Variants in ZBTB16 observed in about 807,000 individuals in gnomAD.
The protein encoded by ZBTB16 is zinc finger and BTB domain-containing protein 16.
Under a neutral mutation model 56.8 loss-of-function variants are expected in ZBTB16, and 8 were observed. That is an observed-to-expected ratio of 0.14 (90% confidence interval 0.08 to 0.25). The LOEUF (loss-of-function observed/expected upper bound fraction) is 0.25, where lower values mean the gene tolerates loss of function less well. Ranked by LOEUF, ZBTB16 falls within the 10% of genes least tolerant of loss-of-function variation. ZBTB16 has a pLI of 1.00. For missense variants in ZBTB16, 625 were observed against 903.0 expected, an observed-to-expected ratio of 0.69 and a Z score of 3.95; for synonymous variants, 363 against 368.5, an observed-to-expected ratio of 0.98 and a Z score of 0.17.
chr11:114,111,545 C>T (rs1357721596), intron 2 of ZBTB16, among the ~76,000 whole-genome samples: 1 of 152,138 alleles, frequency 6.6e-6, no homozygotes, highest in Non-Finnish European at 1.5e-5. Context: ...TAAAGGTTTC[C>T]AGTATGATTT....
intron 2 of ZBTB16, among the ~76,000 whole-genome samples, chr11:114,117,906 C>T (rs776303252): frequency 6.6e-6 from 1 of 152,142 alleles, no homozygotes; most frequent in Non-Finnish European, 1.5e-5. Context: ...CATGTGTGTG[C>T]TGACATCTGG....
At chr11:114,085,878 G>C (rs902782019) in intron 2 of ZBTB16, among the ~76,000 whole-genome samples, 19 of 152,178 alleles carry the variant, frequency 1.2e-4, no homozygotes, top group African/African-American at 4.6e-4. Flanking sequence ...CTGGACATTT[G>C]TAAGGCGCAC....
At chr11:114,090,469 C>G (rs1021774121) in intron 2 of ZBTB16, among the ~76,000 whole-genome samples, 10 of 152,218 alleles carry the variant, frequency 6.6e-5, no homozygotes, top group Admixed American at 3.3e-4. Context: ...CCTGGCCTAG[C>G]CAGGGGAGCT....
chr11:114,212,173 T>G (rs752117646), intron 4 of ZBTB16, among the ~76,000 whole-genome samples: 2 of 151,990 alleles, frequency 1.3e-5, no homozygotes, highest in Non-Finnish European at 2.9e-5. Flanking sequence ...TCAATGAAAT[T>G]TTTTTTTCAG....
chr11:114,062,204 A>C (rs1938906586), intron 1 of ZBTB16, among the ~76,000 whole-genome samples: 1 of 151,798 alleles, frequency 6.6e-6, no homozygotes. Context: ...CCCGGTTTCA[A>C]GTGATTCTCC....
intron 2 of ZBTB16, among the ~76,000 whole-genome samples, chr11:114,135,448 T>A (rs1941772887): frequency 6.6e-6 from 1 of 152,214 alleles, no homozygotes; most frequent in East Asian, 1.9e-4. Context: ...GGGTCCATTG[T>A]AACCAACATA....
chr11:114,199,520 G>A (rs3782005), intron 4 of ZBTB16, among the ~76,000 whole-genome samples: 63,917 of 151,782 alleles, frequency 0.42, 13,694 homozygotes, highest in African/African-American at 0.46. Context: ...TGTGATTGCA[G>A]ATTACCATTG....
chr11:114,250,362 G>A lies in ZBTB16; in HGVS notation c.1829G>A (p.Arg610His). Residue 610 changes from arginine (R) to histidine (H), a missense_variant, in exon 7 of 7, where the codon CGC becomes CAC. Physicochemically the swap from Arg to His is conservative, Grantham distance 29 (BLOSUM62 0). Coordinates refer to ENST00000335953, the MANE Select transcript of ZBTB16 (RefSeq NM_006006.6). The surrounding 1 kb of genome is among the most constrained non-coding windows in gnomAD (Gnocchi z 6.0). The stretch of plus-strand genomic sequence containing the variant: ...TTTGAGTGTAAGCTCTGCCACCAGC[G>A]CTCCCGGGACTACTCGGCCATGATC... Reference protein sequence around the residue: ...KPFECKLCHQRSRDYSAMIKH... With the variant: ...KPFECKLCHQHSRDYSAMIKH... 1 of 1,613,688 alleles carries A rather than the reference G, an allele frequency of 6.2e-7. No individual in the cohort carries two copies.
At chr11:114,091,944 C>T (rs138958067) in intron 2 of ZBTB16, among the ~76,000 whole-genome samples, 124 of 152,336 alleles carry the variant, frequency 8.1e-4, no homozygotes, top group African/African-American at 2.7e-3. Flanking sequence ...CTGTGCGCCC[C>T]TTCTCACTGA....
rs535334867 is a variant in ZBTB16 at position 114,121,878 on chromosome 11, A to G, written c.1269-34459A>G. The stretch of plus-strand genomic sequence containing the variant: ...ACTTCATTTTGGACTGTCAAGATGC[A>G]TTTCCTGAGATGTGAGATGTCATGA... On this transcript the variant is annotated intron_variant, in intron 2 of 6. Transcript: ENST00000335953. 1.1e-5 allele frequency: 5 copies of G among 455,230 alleles called. No individual in the cohort carries two copies. The East Asian group carries it at 3.5e-4, about 32-fold the overall frequency. 28.2% of individuals were successfully genotyped at this position (455,230 alleles called of 1,614,324 possible). A position where few individuals can be genotyped will look rare whatever the true frequency, so the allele number is the denominator to read the frequency against.
chr11:114,091,092 G>A (rs776325800), intron 2 of ZBTB16, among the ~76,000 whole-genome samples: 3 of 152,100 alleles, frequency 2.0e-5, no homozygotes, highest in Admixed American at 6.5e-5. Flanking sequence ...AGCTGGGTGC[G>A]GTGGGAGGCA....
chr11:114,075,648 T>TATATATATATATATATATATATATA (rs1939532573), intron 2 of ZBTB16, among the ~76,000 whole-genome samples: 1 of 147,616 alleles, frequency 6.8e-6, no homozygotes, highest in African/African-American at 2.5e-5. Flanking sequence ...TATATATATA[T>TATATATATATATATATATATATATA]TTAGTAGAGA....
chr11:114,135,560 T>C (rs1349441735), intron 2 of ZBTB16, among the ~76,000 whole-genome samples: 1 of 152,064 alleles, frequency 6.6e-6, no homozygotes, highest in African/African-American at 2.4e-5. Context: ...GAGAGCAGCC[T>C]CTAGACACTG....
intron 2 of ZBTB16, among the ~76,000 whole-genome samples, chr11:114,084,220 C>T (rs1437485951): frequency 6.6e-6 from 1 of 152,114 alleles, no homozygotes; most frequent in African/African-American, 2.4e-5. Context: ...GGATTGATCT[C>T]TCTCTTGCCT....
chr11:114,077,471 A>AT (rs11448689), intron 2 of ZBTB16, among the ~76,000 whole-genome samples: 21,339 of 150,938 alleles, frequency 0.14, 1,631 homozygotes, highest in African/African-American at 0.19. Context: ...TTTTCTATGC[A>AT]TTTTTTTTTC....
intron 2 of ZBTB16, among the ~76,000 whole-genome samples, chr11:114,069,276 A>G (rs1176515383): frequency 6.6e-6 from 1 of 151,820 alleles, no homozygotes; most frequent in Non-Finnish European, 1.5e-5. Flanking sequence ...TAGTAGAGAC[A>G]GGGTTTCACC....
intron 4 of ZBTB16, among the ~76,000 whole-genome samples, chr11:114,241,307 C>T (rs1490636892): frequency 1.3e-5 from 2 of 151,904 alleles, no homozygotes; most frequent in African/African-American, 4.8e-5. Context: ...TGAGTGTGAA[C>T]CCCAGCCCTG....
intron 2 of ZBTB16, among the ~76,000 whole-genome samples, chr11:114,067,489 C>T (rs1939160501): frequency 6.6e-6 from 1 of 152,152 alleles, no homozygotes; most frequent in African/African-American, 2.4e-5. Flanking sequence ...TCACTGCAAC[C>T]TCTACTTCCC....
intron 2 of ZBTB16, among the ~76,000 whole-genome samples, chr11:114,151,178 C>T (rs764089406): frequency 3.9e-5 from 6 of 152,090 alleles, no homozygotes; most frequent in African/African-American, 1.2e-4. Context: ...CCCAAAGCAT[C>T]GGGGTGACTT....
Sources: allele counts gnomAD v4.1 joint callset (sites outside exome capture counted in the v4.1 genomes callset), GRCh38; gene constraint gnomAD v4.1.1; non-coding constraint Gnocchi (gnomAD v3.1); transcripts MANE v1.5; gene names NCBI Gene and HGNC (gene_info 2026-07-23, HGNC 2026-07-21).